Variants in PRSS23 observed in about 807,000 individuals in gnomAD.
The protein encoded by PRSS23 is serine protease 23, also known as protease, serine 23.
A neutral mutation model predicts 34.7 loss-of-function variants in PRSS23; 25 were observed. The observed-to-expected ratio is 0.72, with a 90% CI of 0.53 to 1.01. PRSS23 has a LOEUF of 1.01. Among genes scored for constraint, PRSS23 ranks in the 50% least tolerant of loss-of-function variants. The pLI, the probability that PRSS23 is intolerant of heterozygous loss-of-function variation, is 0.00. For synonymous variants in PRSS23, 176 were observed against 186.6 expected, an observed-to-expected ratio of 0.94 and a Z score of 0.46; for missense variants, 445 against 475.6, an observed-to-expected ratio of 0.94 and a Z score of 0.60.
At chr11:86,902,414 C>T (rs1199096953) in intron 2 of PRSS23, among the ~76,000 whole-genome samples, 1 of 152,158 alleles carries the variant, frequency 6.6e-6, no homozygotes, top group Non-Finnish European at 1.5e-5. Flanking sequence ...TTATCTCATT[C>T]TTATCTTTGG....
intron 2 of PRSS23, among the ~76,000 whole-genome samples, chr11:86,912,437 C>T (rs1160734287): frequency 6.6e-6 from 1 of 152,138 alleles, no homozygotes. Flanking sequence ...TATTGGCCTA[C>T]TTTCCCTGAG....
chr11:86,869,044 G>A (rs554758352), intron 2 of PRSS23, among the ~76,000 whole-genome samples: 37 of 152,202 alleles, frequency 2.4e-4, no homozygotes, highest in African/African-American at 8.4e-4. Flanking sequence ...AAGTCCTGGA[G>A]TCAAGCGATC....
At chr11:86,844,145 T>C (rs1179894830) in intron 2 of PRSS23, among the ~76,000 whole-genome samples, 1 of 152,224 alleles carries the variant, frequency 6.6e-6, no homozygotes, top group Non-Finnish European at 1.5e-5. Context: ...ACCATCATTG[T>C]AAGCAAAGTG....
intron 2 of PRSS23, among the ~76,000 whole-genome samples, chr11:86,854,345 T>G (rs1948553727): frequency 6.6e-6 from 1 of 152,180 alleles, no homozygotes; most frequent in East Asian, 1.9e-4. Context: ...TTCTGACCAT[T>G]GTTAATGGGA....
At chr11:86,871,933 T>C (rs2134948133) in intron 2 of PRSS23, among the ~76,000 whole-genome samples, 1 of 152,390 alleles carries the variant, frequency 6.6e-6, no homozygotes, top group East Asian at 1.9e-4. Context: ...TGTGTGACTG[T>C]ATTTGTGTGC....
Position 86,819,439 on chromosome 11 carries a change from T to C in PRSS23, c.-11-3938T>C, listed in dbSNP as rs551241735. 2.6e-5 allele frequency among the ~76,000 whole-genome samples: 4 copies of C among 152,354 alleles called. No individual in the cohort carries two copies. In the East Asian group the frequency reaches 7.7e-4, roughly 29 times the overall value. ...CTATATATAATTTATTAACTTAGTT[T>C]AGTCTCTCAATATTTAGCAAGTTTG... On this transcript the variant is annotated intron_variant, in intron 1 of 2. Coordinates refer to the PRSS23 transcript ENST00000533902.
chr11:86,935,924 C>G (rs547916530), intron 2 of PRSS23: 1 of 152,260 alleles, frequency 6.6e-6, no homozygotes, highest in South Asian at 2.1e-4. Context: ...TTGAAAATTT[C>G]AAGATAGCAA....
At chr11:86,894,154 C>A (rs575878738) in intron 2 of PRSS23, among the ~76,000 whole-genome samples, 1 of 152,176 alleles carries the variant, frequency 6.6e-6, no homozygotes, top group Non-Finnish European at 1.5e-5. Flanking sequence ...GCTGGGATTA[C>A]AGACATGTGC....
At chr11:86,882,540 G>A (rs964148731) in intron 2 of PRSS23, among the ~76,000 whole-genome samples, 9 of 151,794 alleles carry the variant, frequency 5.9e-5, no homozygotes, top group East Asian at 3.9e-4. Context: ...GCATGATCTC[G>A]TTTTTTTAAT....
intron 2 of PRSS23, among the ~76,000 whole-genome samples, chr11:86,858,491 G>A (rs113857015): frequency 6.6e-6 from 1 of 151,914 alleles, no homozygotes; most frequent in African/African-American, 2.4e-5. Flanking sequence ...ATCTCAGGGG[G>A]TGTACACCGC....
intron 2 of PRSS23, among the ~76,000 whole-genome samples, chr11:86,900,475 A>G (rs1362061843): frequency 2.0e-5 from 3 of 152,128 alleles, no homozygotes; most frequent in Non-Finnish European, 4.4e-5. Context: ...AGATCATACT[A>G]CTTTTCTGCT....
intron 2 of PRSS23, among the ~76,000 whole-genome samples, chr11:86,828,401 A>G (rs1299114799): frequency 6.6e-6 from 1 of 151,990 alleles, no homozygotes; most frequent in Non-Finnish European, 1.5e-5. Flanking sequence ...TGCACATGAG[A>G]TGGGTTTCCT....
intron 2 of PRSS23, among the ~76,000 whole-genome samples, chr11:86,848,571 G>C (rs1399718599): frequency 1.3e-5 from 2 of 152,208 alleles, no homozygotes; most frequent in Non-Finnish European, 2.9e-5. Context: ...TAGAAATGCT[G>C]CGGGAGGCTC....
intron 2 of PRSS23, among the ~76,000 whole-genome samples, chr11:86,905,362 T>C (rs1206025014): frequency 6.6e-6 from 1 of 152,170 alleles, no homozygotes; most frequent in African/African-American, 2.4e-5. Flanking sequence ...CCCAGGACAG[T>C]GATAAGGCAC....
At chr11:86,890,835 CTGTG>C (rs1465567244) in intron 2 of PRSS23, among the ~76,000 whole-genome samples, 7 of 152,190 alleles carry the variant, frequency 4.6e-5, no homozygotes, top group African/African-American at 1.7e-4. Flanking sequence ...ACTTTCTCTT[CTGTG>C]TGTAAGCCCT....
At chr11:86,874,067 T>C (rs1224589424) in intron 2 of PRSS23, among the ~76,000 whole-genome samples, 1 of 152,182 alleles carries the variant, frequency 6.6e-6, no homozygotes, top group Non-Finnish European at 1.5e-5. Flanking sequence ...CAGAGAAGGC[T>C]GGGAGAGCCA....
intron 2 of PRSS23, chr11:86,949,043 G>C (rs1171781585): frequency 6.6e-6 from 1 of 152,408 alleles, no homozygotes; most frequent in African/African-American, 2.4e-5. Context: ...AGGCAATGGA[G>C]TATCAGATGG....
chr11:86,872,379 G>A (rs769643949), intron 2 of PRSS23, among the ~76,000 whole-genome samples: 1 of 152,026 alleles, frequency 6.6e-6, no homozygotes, highest in Non-Finnish European at 1.5e-5. Flanking sequence ...ATTCAACTAG[G>A]AACAAAGGAA....
intron 2 of PRSS23, among the ~76,000 whole-genome samples, chr11:86,855,713 C>G (rs1289890228): frequency 6.6e-6 from 1 of 152,198 alleles, no homozygotes; most frequent in Non-Finnish European, 1.5e-5. Flanking sequence ...CCAGTCTGAT[C>G]TCCAACTCCT....
Sources: allele counts gnomAD v4.1 joint callset (sites outside exome capture counted in the v4.1 genomes callset), GRCh38; gene constraint gnomAD v4.1.1; transcripts MANE v1.5; gene names NCBI Gene and HGNC (gene_info 2026-07-23, HGNC 2026-07-21).